Variants in LRRC4C observed in about 807,000 individuals in gnomAD.
LRRC4C encodes the protein leucine rich repeat containing 4C.
LRRC4C carries 5 observed loss-of-function variants against 33.6 expected under a neutral mutation model. The observed-to-expected ratio is 0.15, with a 90% CI of 0.08 to 0.31. LRRC4C has a LOEUF of 0.31. Among genes scored for constraint, LRRC4C ranks in the 10% least tolerant of loss-of-function variants. LRRC4C has a pLI of 1.00. For synonymous variants in LRRC4C, 329 were observed against 302.0 expected (o/e 1.09, Z -0.93); for missense variants, 560 against 796.7 (o/e 0.70, Z 3.58).
chr11:41,013,148 G>A (rs960492280), intron 1 of LRRC4C, among the ~76,000 whole-genome samples: 19 of 152,196 alleles, frequency 1.2e-4, no homozygotes, highest in African/African-American at 4.3e-4. Flanking sequence ...ATTCACGTAA[G>A]ATTGCCCAGT....
At chr11:40,890,255 C>T (rs1955642561) in intron 2 of LRRC4C, among the ~76,000 whole-genome samples, 1 of 152,166 alleles carries the variant, frequency 6.6e-6, no homozygotes, top group Non-Finnish European at 1.5e-5. Flanking sequence ...TCTCACACTT[C>T]TGAAGGCTGG....
chr11:40,419,036 T>C (rs1394662993), intron 3 of LRRC4C, among the ~76,000 whole-genome samples: 1 of 152,046 alleles, frequency 6.6e-6, no homozygotes, highest in Non-Finnish European at 1.5e-5. Context: ...GCTTAATAAC[T>C]AGGTGATGGG....
chr11:40,222,275 T>G (rs1864477943), intron 5 of LRRC4C, among the ~76,000 whole-genome samples: 1 of 152,204 alleles, frequency 6.6e-6, no homozygotes, highest in African/African-American at 2.4e-5. Context: ...GTGTTTGCTA[T>G]TGGGAAAATC....
At chr11:40,916,800 G>C (rs1956982055) in intron 2 of LRRC4C, among the ~76,000 whole-genome samples, 1 of 151,920 alleles carries the variant, frequency 6.6e-6, no homozygotes, top group Non-Finnish European at 1.5e-5. Flanking sequence ...ATTGGTCTTA[G>C]AGGGAGGGTA....
intron 1 of LRRC4C, among the ~76,000 whole-genome samples, chr11:41,064,430 T>C (rs903009094): frequency 3.3e-5 from 5 of 152,066 alleles, no homozygotes; most frequent in East Asian, 1.9e-4. Context: ...ATAAGAAAAA[T>C]AGTGTTGGTT....
intron 3 of LRRC4C, among the ~76,000 whole-genome samples, chr11:40,359,188 G>T (rs1947830033): frequency 6.6e-6 from 1 of 152,180 alleles, no homozygotes; most frequent in Non-Finnish European, 1.5e-5. Context: ...TGAGATACAT[G>T]TGCACCTCTC....
chr11:40,295,162 A>G (rs1944446996), intron 4 of LRRC4C, among the ~76,000 whole-genome samples: 1 of 152,184 alleles, frequency 6.6e-6, no homozygotes, highest in African/African-American at 2.4e-5. Flanking sequence ...GGCCAACAAA[A>G]TAATGCTATT....
rs919353302 is a variant in LRRC4C at position 41,104,578 on chromosome 11, G to A, written c.-495-170855C>T. ...TCAGTTTCTTAAAATGCTAAATGTG[G>A]AGTGAACATATGACCCAGCAGTTCT... On this transcript the variant is annotated intron_variant, in intron 1 of 6. Coordinates refer to ENST00000528697, the MANE Select transcript of LRRC4C (RefSeq NM_001258419.2). Among the ~76,000 whole-genome samples, 9 of 151,962 alleles carry A rather than the reference G, an allele frequency of 5.9e-5. 1 individual carries two copies. In the East Asian group the frequency reaches 1.2e-3, roughly 20 times the overall value.
At position 40,360,394 on chromosome 11, in the gene LRRC4C, C is replaced by A. The variant is rs376669262; in HGVS notation, c.-269-40673G>T. 1.5e-3 allele frequency among the ~76,000 whole-genome samples: 229 copies of A among 152,172 alleles called. 1 individual carries two copies. Among genetic ancestry groups the A allele is most frequent in the African/African-American group, 5.3e-3 (218 of 41,518 alleles). ...ATGAGTACTGATTACACAAGAGGTC[C>A]GGGAAACTACCAAGTCTGGAAAACG... On this transcript the variant is annotated intron_variant, in intron 3 of 6. Transcript: ENST00000528697.
intron 1 of LRRC4C, among the ~76,000 whole-genome samples, chr11:40,978,559 A>G (rs1233679134): frequency 1.3e-5 from 2 of 152,020 alleles, no homozygotes; most frequent in Non-Finnish European, 2.9e-5. Context: ...TGTCCCAAAC[A>G]TCAATAGAGT....
chr11:41,017,608 C>T (rs1413824525), intron 1 of LRRC4C, among the ~76,000 whole-genome samples: 1 of 151,906 alleles, frequency 6.6e-6, no homozygotes, highest in Admixed American at 6.6e-5. Context: ...ATGGTTCTTA[C>T]ACTCTGTTTT....
At chr11:40,502,299 T>A (rs1374981884) in intron 3 of LRRC4C, among the ~76,000 whole-genome samples, 1 of 152,206 alleles carries the variant, frequency 6.6e-6, no homozygotes, top group East Asian at 1.9e-4. Context: ...AGTTCCAAAG[T>A]TGCTTCCATA....
At chr11:40,639,737 A>T (rs1941993791) in intron 3 of LRRC4C, among the ~76,000 whole-genome samples, 1 of 152,198 alleles carries the variant, frequency 6.6e-6, no homozygotes, top group East Asian at 1.9e-4. Flanking sequence ...CTGCAGCGAT[A>T]TTTCCCTGTA....
intron 3 of LRRC4C, among the ~76,000 whole-genome samples, chr11:40,439,456 CT>C (rs748189705): frequency 0.015 from 2,045 of 137,730 alleles, 21 homozygotes; most frequent in African/African-American, 0.038. Flanking sequence ...TCCATTTATT[CT>C]TTTTTTTTTT....
chr11:41,436,658 T>G (rs1955439516), intron 1 of LRRC4C, among the ~76,000 whole-genome samples: 1 of 152,214 alleles, frequency 6.6e-6, no homozygotes, highest in Admixed American at 6.5e-5. Flanking sequence ...AGAGCCTCTT[T>G]CACAACATTC....
intron 1 of LRRC4C, among the ~76,000 whole-genome samples, chr11:40,967,453 G>A (rs1851443054): frequency 3.9e-5 from 6 of 151,956 alleles, no homozygotes; most frequent in Admixed American, 3.3e-4. Context: ...CAGTTAATGT[G>A]TTTTCTTCAA....
At chr11:40,342,365 AG>A (rs567483004) in intron 3 of LRRC4C, among the ~76,000 whole-genome samples, 1 of 152,266 alleles carries the variant, frequency 6.6e-6, no homozygotes, top group African/African-American at 2.4e-5. Context: ...GCTACTCAGG[AG>A]GCTGAGGCTG....
intron 1 of LRRC4C, among the ~76,000 whole-genome samples, chr11:41,054,304 T>C (rs1025802818): frequency 1.3e-5 from 2 of 152,086 alleles, no homozygotes; most frequent in Non-Finnish European, 2.9e-5. Flanking sequence ...TTCAAACCGG[T>C]GAACGTTCAT....
At chr11:41,060,337 G>T (rs1226871802) in intron 1 of LRRC4C, among the ~76,000 whole-genome samples, 1 of 152,110 alleles carries the variant, frequency 6.6e-6, no homozygotes, top group Non-Finnish European at 1.5e-5. Context: ...ACTTGTATTA[G>T]TCTGCTTTGG....
Sources: gnomAD v4.1 joint callset for allele counts (sites outside exome capture counted in the v4.1 genomes callset) on GRCh38, gnomAD v4.1.1 for gene constraint, MANE v1.5 for transcripts, NCBI Gene and HGNC (gene_info 2026-07-23, HGNC 2026-07-21) for gene names.